HMCN1: variants seen among roughly 807,000 people sequenced by gnomAD.
HMCN1 encodes the protein hemicentin 1.
HMCN1 carries 321 observed loss-of-function variants against 625.9 expected under a neutral mutation model. That is an observed-to-expected ratio of 0.51 (90% CI 0.47 to 0.56). The LOEUF (loss-of-function observed/expected upper bound fraction) is 0.56, where lower values mean the gene tolerates loss of function less well. HMCN1 is among the 20% of genes least tolerant of loss of function. The pLI is 0.00. For missense variants in HMCN1, 6,588 were observed against 6,887.3 expected, an observed-to-expected ratio of 0.96 and a Z score of 1.54; for synonymous variants, 2,425 against 2,417.6, an observed-to-expected ratio of 1.00 and a Z score of -0.09.
At chr1:185,915,227 T>A (rs538378351) in intron 6 of HMCN1, among the ~76,000 whole-genome samples, 7 of 152,232 alleles carry the variant, frequency 4.6e-5, no homozygotes, top group African/African-American at 1.7e-4. Flanking sequence ...CATAAAGTTT[T>A]ATTAAAAACA....
At position 186,063,096 on chromosome 1, in the gene HMCN1, A is replaced by ATATG. The variant is rs1553285883; in HGVS notation, c.7513+499_7513+500insGTAT. Reference sequence around the variant, plus strand: ...TATATATATATATATATATATATATATATATATCACATTTTCATTACCCAA... The same window carrying ATATG: ...TATATATATATATATATATATATATATATGTATATATCACATTTTCATTACCCAA... On this transcript the variant is annotated intron_variant, in intron 48 of 106. Coordinates refer to ENST00000271588, the MANE Select transcript of HMCN1 (RefSeq NM_031935.3). 7.6e-3 allele frequency among the ~76,000 whole-genome samples: 875 copies of ATATG among 115,402 alleles called. 37 individuals carry two copies. Among genetic ancestry groups the ATATG allele is most frequent in the African/African-American group, 0.032 (846 of 26,224 alleles). The allele number at this position is 115,402 out of a possible 152,430, so 75.7% of individuals were successfully genotyped here.
chr1:186,187,030 A>G (rs1047778120), intron 105 of HMCN1, among the ~76,000 whole-genome samples: 3 of 143,238 alleles, frequency 2.1e-5, no homozygotes, highest in Non-Finnish European at 4.7e-5. Flanking sequence ...ACACACACAC[A>G]CACACACGCA....
Position 186,076,529 on chromosome 1 carries a change from T to G in HMCN1, c.8392T>G (p.Tyr2798Asp), listed in dbSNP as rs375213614. 1 of 1,613,732 alleles carries G rather than the reference T, an allele frequency of 6.2e-7. No homozygotes were observed. The highest frequency in any genetic ancestry group is 1.7e-5 in the Admixed American group (1 of 59,958). ...GATCATCAACAATCCCATTTCTCTTTACTGTGAGACAAATGCTGCTCCCCC... is the reference window on the plus strand; with the variant it reads ...GATCATCAACAATCCCATTTCTCTTGACTGTGAGACAAATGCTGCTCCCCC... ...DVIINNPISL[Y>D]CETNAAPPPT... Residue 2798 changes from tyrosine to aspartate, a missense_variant, in exon 54 of 107, where the codon TAC becomes GAC. Transcript: ENST00000271588.
chr1:186,029,213 AT>A (rs539790542), intron 36 of HMCN1, among the ~76,000 whole-genome samples: 7 of 151,738 alleles, frequency 4.6e-5, no homozygotes, highest in African/African-American at 7.3e-5. Flanking sequence ...CAATTGGCTT[AT>A]TTTTTTTCAA....
chr1:186,059,130 C>T (rs1448016899), intron 46 of HMCN1, among the ~76,000 whole-genome samples: 5 of 151,926 alleles, frequency 3.3e-5, no homozygotes, highest in African/African-American at 1.2e-4. Flanking sequence ...CATAGACAAC[C>T]TGGTAAAAGG....
chr1:186,012,400 TA>T (rs1232883673), intron 30 of HMCN1, among the ~76,000 whole-genome samples: 3 of 152,008 alleles, frequency 2.0e-5, no homozygotes, highest in Non-Finnish European at 4.4e-5. Context: ...TTTTTTTTGG[TA>T]TTTTTTTTTT....
chr1:185,945,320 C>T (rs773671644), intron 11 of HMCN1, among the ~76,000 whole-genome samples: 8 of 152,008 alleles, frequency 5.3e-5, no homozygotes, highest in Non-Finnish European at 1.0e-4. Flanking sequence ...AATAACAAAA[C>T]AAATAGTTAA....
chr1:186,044,190 T>C (rs1205675810), intron 40 of HMCN1, among the ~76,000 whole-genome samples: 1 of 152,224 alleles, frequency 6.6e-6, no homozygotes, highest in Non-Finnish European at 1.5e-5. Flanking sequence ...TGTTACACAT[T>C]GAAAATAATG....
rs749898976 is a variant in HMCN1 at position 186,117,131 on chromosome 1, A to T, written c.11683+16A>T. The T allele has an allele frequency of 1.4e-5, 23 of 1,612,742 alleles. No homozygotes were observed. The Admixed American group carries it at 3.7e-4, about 26-fold the overall frequency. ...ACTGTCCAAGGTAGAATTGGCTTGGAACATGGATTGAAACATGATAATGCT... is the reference window on the plus strand; with the variant it reads ...ACTGTCCAAGGTAGAATTGGCTTGGTACATGGATTGAAACATGATAATGCT... On this transcript the variant is annotated intron_variant, in intron 76 of 106. Coordinates refer to ENST00000271588, the MANE Select transcript of HMCN1 (RefSeq NM_031935.3).
rs557542346 is a variant in HMCN1, at chr1:185,902,379, CTCTA to C, written c.622-6934_622-6931del. On this transcript the variant is annotated intron_variant, in intron 4 of 106. Coordinates refer to ENST00000271588, the MANE Select transcript of HMCN1 (RefSeq NM_031935.3). ...TGACCCTTCCTCCCATGTGCTATGTCTCTATCTATCTATCTATCTATCTATCTCT... is the reference window on the plus strand; with the variant it reads ...TGACCCTTCCTCCCATGTGCTATGTCTCTATCTATCTATCTATCTATCTCT... Among the ~76,000 whole-genome samples, 649 of 149,232 alleles carry C rather than the reference CTCTA, an allele frequency of 4.3e-3. 4 individuals are homozygous for C. The highest frequency in any genetic ancestry group is 0.013 in the African/African-American group (532 of 39,990).
chr1:185,815,938 T>G lies in HMCN1; in HGVS notation c.269-30088T>G, dbSNP rs910540267. Among the ~76,000 whole-genome samples, 13 of 150,118 alleles carry G rather than the reference T, an allele frequency of 8.7e-5. 1 individual carries two copies. The highest frequency in any genetic ancestry group is 3.0e-4 in the African/African-American group (12 of 39,492). On this transcript the variant is annotated intron_variant, in intron 1 of 106. Coordinates refer to ENST00000271588, the MANE Select transcript of HMCN1 (RefSeq NM_031935.3). ...TTCTCTTTAGCAATATTGTACCCCATGAGCAATACTGCTACCCACTTAGCA... is the reference window on the plus strand; with the variant it reads ...TTCTCTTTAGCAATATTGTACCCCAGGAGCAATACTGCTACCCACTTAGCA...
intron 6 of HMCN1, among the ~76,000 whole-genome samples, chr1:185,916,617 TCTTA>T (rs1163389983): frequency 6.6e-6 from 1 of 152,178 alleles, no homozygotes; most frequent in Non-Finnish European, 1.5e-5. Flanking sequence ...TTTGTGTTTG[TCTTA>T]CTTTGGGCAC....
chr1:186,162,438 G>C (rs1032094657), intron 97 of HMCN1, among the ~76,000 whole-genome samples: 1 of 151,894 alleles, frequency 6.6e-6, no homozygotes, highest in Non-Finnish European at 1.5e-5. Flanking sequence ...TCTCTGTCCA[G>C]CTTTATTCCA....
At position 186,108,522 on chromosome 1, in the gene HMCN1, A is replaced by G; in HGVS notation, c.10914A>G (p.Gln3638=). 6.2e-7 allele frequency: 1 copy of G among 1,614,186 alleles called. No homozygotes were observed. Among genetic ancestry groups the G allele is most frequent in the Non-Finnish European group, 8.5e-7 (1 of 1,180,016 alleles). The change falls in exon 71 of 107, where the codon CAA becomes CAG. Residue 3638 remains glutamine, a synonymous_variant. Transcript: ENST00000271588. ...PRDITVLRNR[Q]VTLECKSDAV... is the part of the protein sequence containing the mutation. ...ATATCACTGTGTTACGGAACAGACA[A>G]GTGACATTGGAATGCAAGTCAGATG...
At chr1:186,155,233 G>A (rs369802834) in intron 97 of HMCN1, among the ~76,000 whole-genome samples, 1 of 152,194 alleles carries the variant, frequency 6.6e-6, no homozygotes, top group East Asian at 1.9e-4. Flanking sequence ...TGAGATCATA[G>A]TAATCTGGAA....
intron 2 of HMCN1, among the ~76,000 whole-genome samples, chr1:185,859,768 C>T (rs1319433371): frequency 1.3e-5 from 2 of 152,096 alleles, no homozygotes; most frequent in Non-Finnish European, 2.9e-5. Context: ...TGGGTTCAAG[C>T]AATTCTCCTG....
intron 40 of HMCN1, among the ~76,000 whole-genome samples, chr1:186,044,540 CTGGTGAAGTA>C (rs2102247330): frequency 6.6e-6 from 1 of 152,230 alleles, no homozygotes; most frequent in African/African-American, 2.4e-5. Context: ...TTGCCACATG[CTGGTGAAGTA>C]TCAAGCCTGA....
At chr1:185,872,519 A>G (rs568662546) in intron 4 of HMCN1, among the ~76,000 whole-genome samples, 2 of 152,306 alleles carry the variant, frequency 1.3e-5, no homozygotes, top group East Asian at 1.9e-4. Context: ...TAAAGAGTAC[A>G]TAGTACATAA....
Position 186,117,494 on chromosome 1 carries a change from C to T in HMCN1, c.11719C>T (p.Leu3907=). The change falls in exon 77 of 107, where the codon CTA becomes TTA. Residue 3907 remains leucine (L), a synonymous_variant. Transcript: ENST00000271588. ...PSIADEPTDF[L]VTKHAPAVIT... ...CATAGCTGATGAGCCTACAGATTTC[C>T]TAGTAACCAAACATGCCCCAGCAGT... 6.2e-7 allele frequency: 1 copy of T among 1,613,770 alleles called. No individual in the cohort carries two copies. Among genetic ancestry groups the T allele is most frequent in the Non-Finnish European group, 8.5e-7 (1 of 1,179,820 alleles).
Sources: allele counts gnomAD v4.1 joint callset (sites outside exome capture counted in the v4.1 genomes callset), GRCh38; gene constraint gnomAD v4.1.1; transcripts MANE v1.5; gene names NCBI Gene and HGNC (gene_info 2026-07-23, HGNC 2026-07-21).